Variants in PCDH15 observed in about 807,000 individuals in gnomAD.
The protein encoded by PCDH15 is protocadherin related 15.
In PCDH15, 129 loss-of-function variants were observed where a neutral mutation model predicts 178.5. The observed-to-expected ratio is 0.72, with a 90% CI of 0.63 to 0.84. PCDH15 has a LOEUF of 0.84. PCDH15 is among the 40% of genes least tolerant of loss of function. The pLI, the probability that PCDH15 is intolerant of heterozygous loss-of-function variation, is 0.00. For missense variants in PCDH15, 2,230 were observed against 2,099.9 expected, an observed-to-expected ratio of 1.06 and a Z score of -1.21; for synonymous variants, 800 against 732.0, an observed-to-expected ratio of 1.09 and a Z score of -1.50.
chr10:55,169,266 C>G (rs1201711330), intron 1 of PCDH15, among the ~76,000 whole-genome samples: 1 of 152,088 alleles, frequency 6.6e-6, no homozygotes, highest in Non-Finnish European at 1.5e-5. Context: ...AGTCATTGCA[C>G]AGTGTATATA....
chr10:55,022,551 G>C lies in PCDH15; in HGVS notation c.-79-125051C>G, dbSNP rs946090671. On this transcript the variant is annotated intron_variant, in intron 2 of 5. Transcript: ENST00000458638. Reference sequence around the variant, plus strand: ...TTTGTTAATTAGCTAGATTTAACCAGTCCAAAATATATGTTTACTTCAACA... The same window carrying C: ...TTTGTTAATTAGCTAGATTTAACCACTCCAAAATATATGTTTACTTCAACA... Among the ~76,000 whole-genome samples, 5 of 151,456 alleles carry C rather than the reference G, an allele frequency of 3.3e-5. No individual in the cohort carries two copies. In the East Asian group the frequency reaches 7.7e-4, roughly 23 times the overall value.
chr10:54,761,493 C>T (rs1261498010), intron 1 of PCDH15, among the ~76,000 whole-genome samples: 3 of 151,894 alleles, frequency 2.0e-5, no homozygotes, highest in African/African-American at 4.8e-5. Context: ...ACCCGCCTGG[C>T]CAACATGGGG....
chr10:54,336,319 T>C (rs772230826), intron 6 of PCDH15, among the ~76,000 whole-genome samples: 1 of 152,144 alleles, frequency 6.6e-6, no homozygotes, highest in Admixed American at 6.5e-5. Flanking sequence ...AGGAACCAAA[T>C]GTTAATCACC....
At chr10:55,364,119 G>A (rs570538996) in intron 2 of PCDH15, among the ~76,000 whole-genome samples, 1 of 151,952 alleles carries the variant, frequency 6.6e-6, no homozygotes, top group African/African-American at 2.4e-5. Context: ...TCCCCACTCC[G>A]CTTGGCACTG....
chr10:55,508,715 T>C (rs1840814972), intron 2 of PCDH15, among the ~76,000 whole-genome samples: 1 of 151,750 alleles, frequency 6.6e-6, no homozygotes, highest in Non-Finnish European at 1.5e-5. Flanking sequence ...TTATTTATAT[T>C]GAATATTTTA....
At chr10:53,837,087 T>C (rs1193219634) in intron 29 of PCDH15, among the ~76,000 whole-genome samples, 1 of 146,900 alleles carries the variant, frequency 6.8e-6, no homozygotes, top group Non-Finnish European at 1.5e-5. Flanking sequence ...AAGAAAAAAC[T>C]GTGTGTCTAT....
At chr10:54,995,645 AAC>A (rs372091306) in intron 2 of PCDH15, among the ~76,000 whole-genome samples, 2 of 151,022 alleles carry the variant, frequency 1.3e-5, no homozygotes, top group Non-Finnish European at 3.0e-5. Flanking sequence ...CCACGCCCCA[AAC>A]ACACACACAC....
intron 14 of PCDH15, among the ~76,000 whole-genome samples, chr10:54,146,920 GTGTATATATATATAA>G (rs1315285335): frequency 7.1e-6 from 1 of 141,332 alleles, no homozygotes; most frequent in Non-Finnish European, 1.5e-5. Flanking sequence ...TATATATATA[GTGTATATATATATAA>G]TGTATATATA....
At chr10:54,001,626 A>T (rs2092139119) in intron 20 of PCDH15, among the ~76,000 whole-genome samples, 1 of 152,126 alleles carries the variant, frequency 6.6e-6, no homozygotes, top group African/African-American at 2.4e-5. Flanking sequence ...TACTACCTTC[A>T]CTTAAAGGAA....
chr10:55,616,326 T>C (rs1347676343), intron 2 of PCDH15, among the ~76,000 whole-genome samples: 1 of 152,102 alleles, frequency 6.6e-6, no homozygotes, highest in African/African-American at 2.4e-5. Flanking sequence ...AACAATTGTA[T>C]GGTAGAAAAA....
At chr10:54,511,263 A>G (rs748788240) in intron 3 of PCDH15, among the ~76,000 whole-genome samples, 4 of 152,144 alleles carry the variant, frequency 2.6e-5, no homozygotes, top group Non-Finnish European at 4.4e-5. Context: ...GTCAGTATGA[A>G]GTAGTTAGTA....
chr10:53,959,209 A>T (rs1312121934), intron 23 of PCDH15, among the ~76,000 whole-genome samples: 5 of 148,980 alleles, frequency 3.4e-5, no homozygotes, highest in Admixed American at 2.7e-4. Context: ...TATATATATA[A>T]ATTTATGTAT....
chr10:55,156,499 C>G (rs186227481), intron 2 of PCDH15, among the ~76,000 whole-genome samples: 69 of 152,168 alleles, frequency 4.5e-4, no homozygotes, highest in Admixed American at 1.8e-3. Flanking sequence ...CCTAATAGTT[C>G]ATGAGGACAA....
chr10:54,615,590 GAGACACGGAGACAAATA>G (rs1435185010), intron 2 of PCDH15, among the ~76,000 whole-genome samples: 1 of 151,968 alleles, frequency 6.6e-6, no homozygotes, highest in East Asian at 1.9e-4. Flanking sequence ...CTTGGTACTT[GAGACACGGAGACAAATA>G]AGACACTGTC....
chr10:54,553,686 CAA>C (rs1357467820), intron 2 of PCDH15, among the ~76,000 whole-genome samples: 1 of 152,114 alleles, frequency 6.6e-6, no homozygotes, highest in African/African-American at 2.4e-5. Context: ...GTCAACTCTT[CAA>C]AACCTTAGGC....
At chr10:55,217,921 T>C (rs1840753896) in intron 1 of PCDH15, among the ~76,000 whole-genome samples, 1 of 151,992 alleles carries the variant, frequency 6.6e-6, no homozygotes, top group Non-Finnish European at 1.5e-5. Context: ...AACATAAGAA[T>C]CTTACTATGA....
At chr10:54,703,358 A>G (rs2095332392) in intron 1 of PCDH15, among the ~76,000 whole-genome samples, 1 of 152,056 alleles carries the variant, frequency 6.6e-6, no homozygotes, top group African/African-American at 2.4e-5. Flanking sequence ...TATTTAACAT[A>G]GTACTTCAAG....
At chr10:54,409,962 A>AT (rs762137915) in intron 3 of PCDH15, among the ~76,000 whole-genome samples, 2 of 151,846 alleles carry the variant, frequency 1.3e-5, no homozygotes, top group African/African-American at 4.8e-5. Flanking sequence ...CATAAGAAAT[A>AT]TTTTTTTTCT....
At chr10:54,432,291 A>C (rs2136015508) in intron 3 of PCDH15, among the ~76,000 whole-genome samples, 1 of 151,410 alleles carries the variant, frequency 6.6e-6, no homozygotes, top group African/African-American at 2.4e-5. Context: ...AACAAACAAA[A>C]AAAACCTGGA....
Sources: allele counts gnomAD v4.1 joint callset (sites outside exome capture counted in the v4.1 genomes callset), GRCh38; gene constraint gnomAD v4.1.1; transcripts MANE v1.5; gene names NCBI Gene and HGNC (gene_info 2026-07-23, HGNC 2026-07-21).